LPAR1: variants seen among roughly 807,000 people sequenced by gnomAD.
LPAR1 encodes the protein LPA receptor 1.
Under a neutral mutation model 23.8 loss-of-function variants are expected in LPAR1, and 5 were observed. That is an observed-to-expected ratio of 0.21 (90% CI 0.11 to 0.44). The LOEUF (loss-of-function observed/expected upper bound fraction) is 0.44. LPAR1 is among the 20% of genes least tolerant of loss of function. LPAR1 has a pLI of 0.99. For missense variants in LPAR1, 311 were observed against 482.8 expected, an observed-to-expected ratio of 0.64 and a Z score of 3.33; for synonymous variants, 160 against 164.7, an observed-to-expected ratio of 0.97 and a Z score of 0.22.
intron 4 of LPAR1, among the ~76,000 whole-genome samples, chr9:110,949,786 C>T (rs2136550719): frequency 6.6e-6 from 1 of 152,212 alleles, no homozygotes; most frequent in South Asian, 2.1e-4. Flanking sequence ...CACAAACACA[C>T]AGAAGATGGG....
chr9:111,015,782 A>T (rs78040099), intron 2 of LPAR1, among the ~76,000 whole-genome samples: 1 of 152,074 alleles, frequency 6.6e-6, no homozygotes, highest in African/African-American at 2.4e-5. Flanking sequence ...AACTTTTTTT[A>T]AAAAGCTATT....
chr9:110,941,023 G>A lies in LPAR1; in HGVS notation c.793+398C>T, dbSNP rs964910845. Among the ~76,000 whole-genome samples the A allele has an allele frequency of 2.0e-5, 3 of 152,142 alleles. No homozygotes were observed. Among genetic ancestry groups the A allele is most frequent in the Non-Finnish European group, 4.4e-5 (3 of 68,032 alleles). ...CTAACAAAAATAACTATATATGGAA[G>A]CATATTCATATTCTACAAAAGCACT... On this transcript the variant is annotated intron_variant, in intron 5 of 5. Transcript: ENST00000683809. This position sits in a 1 kb window ranked among gnomAD's most constrained non-coding sequence, Gnocchi z 6.1.
chr9:111,006,719 AAAAT>A (rs1286050044), intron 2 of LPAR1, among the ~76,000 whole-genome samples: 1 of 152,206 alleles, frequency 6.6e-6, no homozygotes, highest in Non-Finnish European at 1.5e-5. Context: ...TTGAGTATGA[AAAAT>A]AAAGCCTTAA....
chr9:110,959,797 T>G (rs2095892372), intron 4 of LPAR1, among the ~76,000 whole-genome samples: 1 of 152,126 alleles, frequency 6.6e-6, no homozygotes, highest in South Asian at 2.1e-4. Context: ...ATATACACAA[T>G]GGGATACTAT....
At chr9:110,961,301 C>T (rs1430587374) in intron 4 of LPAR1, among the ~76,000 whole-genome samples, 4 of 151,014 alleles carry the variant, frequency 2.6e-5, no homozygotes, top group African/African-American at 9.7e-5. Flanking sequence ...AAGAAATACC[C>T]AACACTGGGT....
chr9:110,982,961 T>C (rs1332639612), intron 2 of LPAR1, among the ~76,000 whole-genome samples: 1 of 150,010 alleles, frequency 6.7e-6, no homozygotes, highest in Non-Finnish European at 1.5e-5. Context: ...CAAATCAAAA[T>C]AGTAAGATAA....
chr9:111,037,797 G>A (rs1317924413), intron 1 of LPAR1: 1 of 152,138 alleles, frequency 6.6e-6, no homozygotes, highest in South Asian at 2.1e-4. Context: ...CAGGTAACCG[G>A]AGGCCACCTA....
intron 2 of LPAR1, among the ~76,000 whole-genome samples, chr9:111,026,466 T>C (rs2097693787): frequency 1.3e-5 from 2 of 152,190 alleles, no homozygotes; most frequent in South Asian, 4.1e-4. Flanking sequence ...ATCATGTCAT[T>C]TGCAAACAGA....
At chr9:110,912,636 T>C (rs542129801) in intron 5 of LPAR1, among the ~76,000 whole-genome samples, 18 of 152,310 alleles carry the variant, frequency 1.2e-4, no homozygotes, top group African/African-American at 4.3e-4. Context: ...TCATCAACTA[T>C]AGAAGCTGGC....
chr9:110,937,279 A>C lies in LPAR1; in HGVS notation c.793+4142T>G, dbSNP rs986647227. 5.9e-5 allele frequency among the ~76,000 whole-genome samples: 9 copies of C among 152,240 alleles called. No homozygotes were observed. In the East Asian group the frequency reaches 1.7e-3, roughly 29 times the overall value. ...TCACAGTGTTTCAATTTAATAGCAC[A>C]CACTGCTTGCTGTTCAAATGTTATA... On this transcript the variant is annotated intron_variant, in intron 5 of 5. Coordinates refer to ENST00000683809, the MANE Select transcript of LPAR1 (RefSeq NM_001351411.2).
intron 5 of LPAR1, among the ~76,000 whole-genome samples, chr9:110,911,811 A>G (rs2092473418): frequency 6.6e-6 from 1 of 152,180 alleles, no homozygotes; most frequent in Non-Finnish European, 1.5e-5. Flanking sequence ...CTTTATTGCA[A>G]TATTTGCTCT....
At chr9:110,981,825 A>C (rs1040453781) in intron 2 of LPAR1, among the ~76,000 whole-genome samples, 2 of 152,188 alleles carry the variant, frequency 1.3e-5, no homozygotes, top group Admixed American at 6.6e-5. Context: ...ATATGAACAG[A>C]CACTTCTCAA....
intron 2 of LPAR1, among the ~76,000 whole-genome samples, chr9:111,029,968 T>C (rs1354945136): frequency 1.4e-5 from 2 of 147,736 alleles, no homozygotes; most frequent in Non-Finnish European, 3.0e-5. Context: ...GGCAAGAGAA[T>C]TGCTTGAACC....
At chr9:111,001,530 C>A (rs998030936) in intron 2 of LPAR1, among the ~76,000 whole-genome samples, 1 of 152,082 alleles carries the variant, frequency 6.6e-6, no homozygotes, top group African/African-American at 2.4e-5. Context: ...GGTTCTAAGG[C>A]AAAAGGAAAA....
intron 5 of LPAR1, among the ~76,000 whole-genome samples, chr9:110,939,180 G>T (rs2094926734): frequency 6.6e-6 from 1 of 152,058 alleles, no homozygotes; most frequent in Non-Finnish European, 1.5e-5. Context: ...ATTCAAATAG[G>T]GGAGCATACT....
At chr9:110,896,787 CTTTTT>C (rs3030133) in intron 5 of LPAR1, among the ~76,000 whole-genome samples, 1 of 126,344 alleles carries the variant, frequency 7.9e-6, no homozygotes, top group Admixed American at 8.4e-5. Context: ...TTAGTGAAAT[CTTTTT>C]TTTTTTTTTT....
chr9:110,940,708 C>G (rs2095044716), intron 5 of LPAR1, among the ~76,000 whole-genome samples: 1 of 152,116 alleles, frequency 6.6e-6, no homozygotes, highest in Non-Finnish European at 1.5e-5. Context: ...CTTTAACTAC[C>G]TTCTACACAC....
chr9:111,002,150 T>C (rs2097139503), intron 2 of LPAR1, among the ~76,000 whole-genome samples: 2 of 152,208 alleles, frequency 1.3e-5, no homozygotes, highest in Non-Finnish European at 2.9e-5. Context: ...CCTTGGTTTA[T>C]AGCTCTTTTT....
chr9:110,959,605 G>A (rs1433819222), intron 4 of LPAR1, among the ~76,000 whole-genome samples: 3 of 151,918 alleles, frequency 2.0e-5, no homozygotes, highest in African/African-American at 7.3e-5. Context: ...GTGACAGAGT[G>A]AGAACCTGTC....
Sources: allele counts gnomAD v4.1 joint callset (sites outside exome capture counted in the v4.1 genomes callset), GRCh38; gene constraint gnomAD v4.1.1; non-coding constraint Gnocchi (gnomAD v3.1); transcripts MANE v1.5; gene names NCBI Gene and HGNC (gene_info 2026-07-23, HGNC 2026-07-21).